The following SP4 variants were observed in gnomAD, a reference collection of about 807,000 sequenced individuals.
The protein encoded by SP4 is Sp4 transcription factor.
Under a neutral mutation model 72.8 loss-of-function variants are expected in SP4, and 19 were observed. The observed-to-expected ratio is 0.26, with a 90% CI of 0.18 to 0.38. The LOEUF is 0.38. Among genes scored for constraint, SP4 ranks in the 10% least tolerant of loss-of-function variants. The pLI, the probability that SP4 is intolerant of heterozygous loss-of-function variation, is 1.00. For missense variants in SP4, 1,008 were observed against 926.3 expected (o/e 1.09, Z -1.14); for synonymous variants, 395 against 333.1 (o/e 1.19, Z -2.02).
chr7:21,444,818 T>C (rs1172025253), intron 3 of SP4, among the ~76,000 whole-genome samples: 1 of 152,178 alleles, frequency 6.6e-6, no homozygotes, highest in Non-Finnish European at 1.5e-5. Flanking sequence ...AAAAATTCTT[T>C]ATAAAACAAG....
At chr7:21,443,698 T>G (rs1181042965) in intron 3 of SP4, among the ~76,000 whole-genome samples, 4 of 152,168 alleles carry the variant, frequency 2.6e-5, no homozygotes, top group Non-Finnish European at 5.9e-5. Flanking sequence ...GGAAAATCCT[T>G]GCTCTGGTCT....
intron 3 of SP4, among the ~76,000 whole-genome samples, chr7:21,470,049 G>A (rs1233436926): frequency 1.3e-5 from 2 of 152,164 alleles, no homozygotes; most frequent in Admixed American, 6.5e-5. Context: ...CAGGGAGGAA[G>A]TGTAGCAGAT....
chr7:21,505,426 C>G (rs1463672993), intron 5 of SP4, among the ~76,000 whole-genome samples: 1 of 152,206 alleles, frequency 6.6e-6, no homozygotes, highest in African/African-American at 2.4e-5. Context: ...ATTGTAACAA[C>G]TGGGTTCCCC....
chr7:21,477,403 A>G, intron 4 of SP4, 96 bp downstream of exon 4: 1 of 732,736 alleles, frequency 1.4e-6, no homozygotes, highest in Non-Finnish European at 2.4e-6. Context: ...CTAGAACTTC[A>G]TTACCTTTGT....
chr7:21,433,864 C>A (rs1782954314), intron 3 of SP4, among the ~76,000 whole-genome samples: 1 of 151,882 alleles, frequency 6.6e-6, no homozygotes, highest in African/African-American at 2.4e-5. Context: ...CACTTGAACC[C>A]AGGAGGTGGA....
In SP4 at chr7:21,512,439, T is replaced by C. The variant is rs1238814171; in HGVS notation, c.*1170T>C. The C allele has an allele frequency of 6.6e-6, 1 of 152,146 alleles. No homozygotes were observed. Among genetic ancestry groups the C allele is most frequent in the Non-Finnish European group, 1.5e-5 (1 of 68,014 alleles). 9.4% of individuals were successfully genotyped at this position (152,146 alleles called of 1,614,324 possible). ...ATTTTCCCTAAAAATTAGCCTAATA[T>C]ATAATAGATATATTATGAAGCAAAA... On this transcript the variant is annotated 3_prime_UTR_variant, in exon 6 of 6. Coordinates refer to ENST00000222584, the MANE Select transcript of SP4 (RefSeq NM_003112.5).
At chr7:21,460,966 A>C (rs911214045) in intron 3 of SP4, among the ~76,000 whole-genome samples, 1 of 152,174 alleles carries the variant, frequency 6.6e-6, no homozygotes, top group South Asian at 2.1e-4. Flanking sequence ...TTAGCTAGAC[A>C]CAGCTGATTG....
Position 21,428,809 on chromosome 7 carries a change from T to TA in SP4, c.123+24dup, listed in dbSNP as rs1372497935. On this transcript the variant is annotated intron_variant, in intron 2 of 5. Coordinates refer to ENST00000222584, the MANE Select transcript of SP4 (RefSeq NM_003112.5). ...GGCTCCCAGGTAAAAGCAAACAAAT[T>TA]AAAAAAATTCATCACGACACATTAG... The TA allele has an allele frequency of 2.6e-6, 4 of 1,538,542 alleles. No individual in the cohort carries two copies. The highest frequency in any genetic ancestry group is 1.4e-5 in the African/African-American group (1 of 71,788).
chr7:21,435,138 T>C (rs752405230), intron 3 of SP4, among the ~76,000 whole-genome samples: 3 of 152,096 alleles, frequency 2.0e-5, no homozygotes, highest in Non-Finnish European at 2.9e-5. Context: ...AATCATCATA[T>C]GTAGTAACAG....
chr7:21,500,820 C>T (rs1781844498), intron 5 of SP4, among the ~76,000 whole-genome samples: 1 of 152,174 alleles, frequency 6.6e-6, no homozygotes, highest in African/African-American at 2.4e-5. Flanking sequence ...AATAATATCC[C>T]TATATTAAGC....
chr7:21,508,225 G>A (rs1461896655), intron 5 of SP4, among the ~76,000 whole-genome samples: 4 of 152,142 alleles, frequency 2.6e-5, no homozygotes, highest in Non-Finnish European at 5.9e-5. Flanking sequence ...TCCCAGACAG[G>A]CCCCCAGGTT....
intron 5 of SP4, among the ~76,000 whole-genome samples, chr7:21,496,222 T>C (rs530203374): frequency 1.8e-4 from 27 of 152,288 alleles, no homozygotes; most frequent in African/African-American, 6.5e-4. Flanking sequence ...CATAGAACTC[T>C]ATACCAAAAA....
chr7:21,429,208 C>G, intron 2 of SP4, 81 bp from the exon 3 acceptor site: 1 of 704,036 alleles, frequency 1.4e-6, no homozygotes, highest in Non-Finnish European at 2.4e-6. Flanking sequence ...AATAAGTAAC[C>G]CCCTGGCAAC....
chr7:21,510,870 T>C, intron 5 of SP4, 152 bp from the exon 6 acceptor site: 1 of 680,324 alleles, frequency 1.5e-6, no homozygotes, highest in South Asian at 2.4e-5. Context: ...TTGCATTGTG[T>C]ATTTGATAAC....
intron 5 of SP4, among the ~76,000 whole-genome samples, chr7:21,483,866 T>C (rs761055627): frequency 5.3e-5 from 8 of 151,856 alleles, no homozygotes; most frequent in Non-Finnish European, 1.0e-4. Flanking sequence ...TATTTCATTA[T>C]TGAATAAATT....
chr7:21,458,093 A>T (rs1783830167), intron 3 of SP4, among the ~76,000 whole-genome samples: 1 of 152,190 alleles, frequency 6.6e-6, no homozygotes, highest in Admixed American at 6.5e-5. Flanking sequence ...CTTTGATTAT[A>T]GCTTTACAGT....
At chr7:21,503,916 T>A (rs1781929663) in intron 5 of SP4, among the ~76,000 whole-genome samples, 1 of 152,220 alleles carries the variant, frequency 6.6e-6, no homozygotes, top group Non-Finnish European at 1.5e-5. Context: ...GGGGTCCCCA[T>A]TGACTCCATT....
At chr7:21,490,335 C>T (rs192214461) in intron 5 of SP4, among the ~76,000 whole-genome samples, 2 of 152,256 alleles carry the variant, frequency 1.3e-5, no homozygotes, top group Non-Finnish European at 1.5e-5. Context: ...AGAAAAGGGG[C>T]CTTTTGCTCC....
At chr7:21,435,393 A>C (rs1270891824) in intron 3 of SP4, among the ~76,000 whole-genome samples, 1 of 152,188 alleles carries the variant, frequency 6.6e-6, no homozygotes, top group African/African-American at 2.4e-5. Context: ...TATTGGTAAA[A>C]ATAGGTACCA....
Sources: gnomAD v4.1 joint callset for allele counts (sites outside exome capture counted in the v4.1 genomes callset) on GRCh38, gnomAD v4.1.1 for gene constraint, MANE v1.5 for transcripts, NCBI Gene and HGNC (gene_info 2026-07-23, HGNC 2026-07-21) for gene names.